The following RANBP2 variants were observed in gnomAD, a reference collection of about 807,000 sequenced individuals.
RANBP2 encodes the protein RAN binding protein 2.
RANBP2 carries 57 observed loss-of-function variants against 303.6 expected under a neutral mutation model. The observed-to-expected ratio is 0.19, with a 90% CI of 0.15 to 0.23. RANBP2 has a LOEUF of 0.23. RANBP2 is among the 10% of genes least tolerant of loss of function. RANBP2 has a pLI of 1.00. For synonymous variants in RANBP2, 1,167 were observed against 1,301.5 expected, an observed-to-expected ratio of 0.90 and a Z score of 2.23; for missense variants, 3,138 against 3,780.8, an observed-to-expected ratio of 0.83 and a Z score of 4.46.
the RANBP2 span, among the ~76,000 whole-genome samples, chr2:109,521,232 G>A: frequency 5.9e-4 from 85 of 143,036 alleles, no homozygotes; most frequent in African/African-American, 1.9e-3. Flanking sequence ...AAAAAAAAAA[G>A]AATTATGATG....
chr2:108,857,141 C>T, the RANBP2 span, among the ~76,000 whole-genome samples: 3 of 120,594 alleles, frequency 2.5e-5, no homozygotes, highest in Admixed American at 1.2e-4. Flanking sequence ...TGCAGTGGCA[C>T]GATCTCAGCT....
chr2:109,276,737 C>T, the RANBP2 span, among the ~76,000 whole-genome samples: 3 of 152,124 alleles, frequency 2.0e-5, no homozygotes, highest in Non-Finnish European at 4.4e-5. Context: ...TTTTGTGATA[C>T]CTCAGCCTTC....
At position 108,764,687 on chromosome 2, in the gene RANBP2, A is replaced by C; in HGVS notation, c.4148A>C (p.Lys1383Thr). Residue 1383 changes from lysine to threonine, a missense_variant, in exon 20 of 29, where the codon AAA (lysine) becomes ACA (threonine). Transcript: ENST00000283195. ...VSCQNLNPSN[K>T]ELVGPPLAET... The stretch of plus-strand genomic sequence containing the variant: ...TGCCAAAATCTAAACCCAAGCAATA[A>C]AGAGCTCGTTGGCCCACCATTAGCT... 1 of 1,614,038 alleles carries C rather than the reference A, an allele frequency of 6.2e-7. No individual in the cohort carries two copies. Among genetic ancestry groups the C allele is most frequent in the Non-Finnish European group, 8.5e-7 (1 of 1,179,966 alleles).
the RANBP2 span, among the ~76,000 whole-genome samples, chr2:109,241,692 G>T: frequency 1.3e-5 from 2 of 151,986 alleles, no homozygotes; most frequent in African/African-American, 4.8e-5. Context: ...CCCAGTCCCT[G>T]CAGTCCCTCT....
the RANBP2 span, among the ~76,000 whole-genome samples, chr2:108,880,461 A>G: frequency 7.2e-5 from 11 of 152,188 alleles, no homozygotes; most frequent in Non-Finnish European, 1.3e-4. Context: ...CCAGAAGGCT[A>G]AACTTCCTAG....
chr2:109,201,150 C>T, the RANBP2 span, among the ~76,000 whole-genome samples: 3 of 152,246 alleles, frequency 2.0e-5, no homozygotes, highest in Non-Finnish European at 2.9e-5. Flanking sequence ...TGGCTTCACA[C>T]GTCTTCCTTC....
At chr2:109,189,759 A>G in the RANBP2 span, among the ~76,000 whole-genome samples, 20 of 152,194 alleles carry the variant, frequency 1.3e-4, no homozygotes, top group Non-Finnish European at 2.8e-4. Flanking sequence ...CACTGTCTGG[A>G]GCTTCAAGCA....
rs10203569 is a variant in RANBP2 at position 108,730,721 on chromosome 2, T to G, written c.141-53T>G. On this transcript the variant is annotated intron_variant, in intron 2 of 28. Transcript: ENST00000283195. ...TTAAGATGTATTCTTCGGTTAGCATTTAAAAGTACAGTTCTAAGTTTAATT... is the reference window on the plus strand; with the variant it reads ...TTAAGATGTATTCTTCGGTTAGCATGTAAAAGTACAGTTCTAAGTTTAATT... 7,261 of 1,590,300 alleles carry G rather than the reference T, an allele frequency of 4.6e-3. 301 individuals carry two copies. In the African/African-American group the frequency reaches 0.086, roughly 19 times the overall value.
chr2:109,018,009 C>T, the RANBP2 span, among the ~76,000 whole-genome samples: 1 of 152,210 alleles, frequency 6.6e-6, no homozygotes, highest in East Asian at 1.9e-4. Flanking sequence ...GCAGGCTTGA[C>T]TTTGCAGTCT....
the RANBP2 span, among the ~76,000 whole-genome samples, chr2:109,046,993 C>T: frequency 2.6e-5 from 4 of 152,284 alleles, no homozygotes; most frequent in African/African-American, 9.6e-5. Context: ...TGGCTGCACC[C>T]GGCCTGCCCT....
the RANBP2 span, chr2:109,614,830 C>G: frequency 2.4e-4 from 348 of 1,427,910 alleles, no homozygotes; most frequent in Non-Finnish European, 3.0e-4. Context: ...GGGCCCGAGG[C>G]GCGCGATCGG....
the RANBP2 span, among the ~76,000 whole-genome samples, chr2:109,547,369 GTTTTTTTT>G: frequency 2.5e-5 from 3 of 117,864 alleles, no homozygotes; most frequent in South Asian, 5.5e-4. Flanking sequence ...TAATAAACTT[GTTTTTTTT>G]TTTTTTTTTT....
At chr2:109,264,443 G>C in the RANBP2 span, among the ~76,000 whole-genome samples, 1 of 151,960 alleles carries the variant, frequency 6.6e-6, no homozygotes, top group Non-Finnish European at 1.5e-5. Context: ...CCCCAAGTCT[G>C]TGTGTGCTCC....
chr2:109,703,709 G>A, the RANBP2 span, among the ~76,000 whole-genome samples: 2 of 152,208 alleles, frequency 1.3e-5, no homozygotes, highest in East Asian at 3.9e-4. Context: ...GATTACACGC[G>A]TGAGCCACCA....
the RANBP2 span, among the ~76,000 whole-genome samples, chr2:108,853,588 G>A: frequency 6.7e-6 from 1 of 149,674 alleles, no homozygotes; most frequent in African/African-American, 2.5e-5. Context: ...ATGCAGTGGT[G>A]CAAGCATAAC....
At chr2:109,164,821 G>A in the RANBP2 span, among the ~76,000 whole-genome samples, 1 of 152,324 alleles carries the variant, frequency 6.6e-6, no homozygotes, top group South Asian at 2.1e-4. Context: ...GCCAGGAAGT[G>A]AGTTTCTAAC....
chr2:109,574,548 A>C, the RANBP2 span: 2 of 1,320,560 alleles, frequency 1.5e-6, no homozygotes, highest in East Asian at 2.6e-5. Flanking sequence ...TAAATATTAA[A>C]GTATGGTAAG....
chr2:109,495,575 G>A, the RANBP2 span, among the ~76,000 whole-genome samples: 8 of 128,828 alleles, frequency 6.2e-5, no homozygotes, highest in African/African-American at 8.9e-5. Context: ...TGCAACCTCC[G>A]CCTCCCAGAT....
chr2:108,854,738 C>A, the RANBP2 span, among the ~76,000 whole-genome samples: 1 of 152,104 alleles, frequency 6.6e-6, no homozygotes, highest in Non-Finnish European at 1.5e-5. Flanking sequence ...TCTTTCTTGG[C>A]CTCTCTCCAG....
Sources: gnomAD v4.1 joint callset for allele counts (sites outside exome capture counted in the v4.1 genomes callset) on GRCh38, gnomAD v4.1.1 for gene constraint, MANE v1.5 for transcripts, NCBI Gene and HGNC (gene_info 2026-07-23, HGNC 2026-07-21) for gene names.